NAA11: variants seen among roughly 807,000 people sequenced by gnomAD.
NAA11 encodes N-alpha-acetyltransferase 11, NatA catalytic subunit.
Under a neutral mutation model 16.1 loss-of-function variants are expected in NAA11, and 15 were observed. The observed-to-expected ratio is 0.93, with a 90% CI of 0.62 to 1.44. The LOEUF (loss-of-function observed/expected upper bound fraction) is 1.44. NAA11 is among the 40% of genes most tolerant of loss of function. The pLI, the probability that NAA11 is intolerant of heterozygous loss-of-function variation, is 0.00. For synonymous variants in NAA11, 122 were observed against 112.4 expected (o/e 1.09, Z -0.54); for missense variants, 298 against 291.3 (o/e 1.02, Z -0.17).
intron 2 of NAA11, among the ~76,000 whole-genome samples, chr4:79,246,718 A>C (rs1721843678): frequency 1.3e-5 from 2 of 152,266 alleles, no homozygotes; most frequent in Non-Finnish European, 2.9e-5. Context: ...AGCACTTAAA[A>C]TGCATTCTTT....
chr4:79,224,164 G>C (rs575391034), downstream of NAA11, among the ~76,000 whole-genome samples: 1 of 152,208 alleles, frequency 6.6e-6, no homozygotes, highest in South Asian at 2.1e-4. Context: ...TGTGAAATGA[G>C]AGGTAAAGCA....
At chr4:79,161,573 T>G in the NAA11 span, among the ~76,000 whole-genome samples, 4 of 152,320 alleles carry the variant, frequency 2.6e-5, no homozygotes, top group South Asian at 6.2e-4. Flanking sequence ...GTTGAGATAT[T>G]AATTGGGATT....
chr4:79,320,403 G>T (rs1724057108), intron 1 of NAA11, among the ~76,000 whole-genome samples: 1 of 152,108 alleles, frequency 6.6e-6, no homozygotes, highest in Non-Finnish European at 1.5e-5. Context: ...TTATTTTACT[G>T]TGTGTGAGGA....
At chr4:79,218,799 TC>T in the NAA11 span, among the ~76,000 whole-genome samples, 1 of 152,112 alleles carries the variant, frequency 6.6e-6, no homozygotes, top group South Asian at 2.1e-4. Context: ...ATAGCTACAA[TC>T]TTGGTCTCAG....
chr4:79,246,027 C>T (rs1429183585), intron 2 of NAA11, among the ~76,000 whole-genome samples: 1 of 152,198 alleles, frequency 6.6e-6, no homozygotes, highest in African/African-American at 2.4e-5. Context: ...TTGTTCTGTA[C>T]TAAGAAAAAT....
Position 79,325,504 on chromosome 4 carries a change from G to T in NAA11, c.374C>A (p.Thr125Asn), listed in dbSNP as rs765817010. 53 of 1,614,064 alleles carry T rather than the reference G, an allele frequency of 3.3e-5. No individual in the cohort carries two copies. Among genetic ancestry groups the T allele is most frequent in the Non-Finnish European group, 3.9e-5 (46 of 1,180,034 alleles). ...CACCTCACTAATCTGAAAGTTGAGG[G>T]TGTTAGAATAAAGGTGCAAGGCTGG... The part of the protein sequence containing the change: ...NRPALHLYSN[T>N]LNFQISEVEP... The change falls in exon 1 of 2, where the codon ACC becomes AAC. Residue 125 changes from threonine to asparagine, a missense_variant. Transcript: ENST00000286794.
downstream of NAA11, among the ~76,000 whole-genome samples, chr4:79,225,497 G>A (rs1721289223): frequency 6.6e-6 from 1 of 152,048 alleles, no homozygotes. Flanking sequence ...AGAGATGATG[G>A]TAACTTGAAC....
rs1578195612 is a variant in NAA11 at position 79,316,693 on chromosome 4, T to C, written c.*1111A>G. On this transcript the variant is annotated 3_prime_UTR_variant, in exon 2 of 2. Transcript: ENST00000286794. Reference sequence around the variant, plus strand: ...TTACTGCAGAGGTCAAGGTACTTTGTCTTCACTTATTTTTACTAGAGAAAA... The same window carrying C: ...TTACTGCAGAGGTCAAGGTACTTTGCCTTCACTTATTTTTACTAGAGAAAA... 1.3e-5 allele frequency: 2 copies of C among 152,346 alleles called. No individual in the cohort carries two copies. Among genetic ancestry groups the C allele is most frequent in the East Asian group, 3.9e-4 (2 of 5,188 alleles). The allele number at this position is 152,346 out of a possible 1,614,324, so 9.4% of individuals were successfully genotyped here.
chr4:79,192,851 A>C, the NAA11 span, among the ~76,000 whole-genome samples: 13 of 151,570 alleles, frequency 8.6e-5, no homozygotes, highest in Non-Finnish European at 1.5e-4. Flanking sequence ...CCAACAGTGT[A>C]AAAGTGTTCC....
chr4:79,286,488 CCTA>C (rs542864286), intron 2 of NAA11, among the ~76,000 whole-genome samples: 7 of 151,974 alleles, frequency 4.6e-5, no homozygotes, highest in Non-Finnish European at 1.0e-4. Context: ...TTGAATGTCT[CCTA>C]CTTCTTTAGT....
chr4:79,200,026 T>C, the NAA11 span, among the ~76,000 whole-genome samples: 1 of 151,832 alleles, frequency 6.6e-6, no homozygotes, highest in Non-Finnish European at 1.5e-5. Flanking sequence ...TTATTGCTAA[T>C]GTGCTTCCTC....
At chr4:79,205,336 G>A in the NAA11 span, among the ~76,000 whole-genome samples, 8 of 151,464 alleles carry the variant, frequency 5.3e-5, no homozygotes, top group Non-Finnish European at 1.2e-4. Flanking sequence ...ATCTATTTTT[G>A]TTTTTGCATT....
chr4:79,194,037 G>T, the NAA11 span, among the ~76,000 whole-genome samples: 1 of 152,058 alleles, frequency 6.6e-6, no homozygotes, highest in African/African-American at 2.4e-5. Flanking sequence ...TGTTATTGGT[G>T]TATAAGAATG....
intron 2 of NAA11, among the ~76,000 whole-genome samples, chr4:79,254,707 T>C (rs998874270): frequency 1.3e-5 from 2 of 150,522 alleles, no homozygotes; most frequent in Non-Finnish European, 3.0e-5. Flanking sequence ...TTTTTTATTA[T>C]TATTATACTT....
chr4:79,243,463 AT>A (rs1248356017), intron 2 of NAA11, among the ~76,000 whole-genome samples: 1 of 152,220 alleles, frequency 6.6e-6, no homozygotes, highest in African/African-American at 2.4e-5. Context: ...TATCTCGTTC[AT>A]TTTTTGAACT....
At chr4:79,304,403 A>C (rs1723501850) in intron 1 of NAA11, among the ~76,000 whole-genome samples, 2 of 152,370 alleles carry the variant, frequency 1.3e-5, no homozygotes, top group South Asian at 4.1e-4. Context: ...GGTACAGGCT[A>C]AGAAAATGAT....
chr4:79,168,235 G>T, the NAA11 span, among the ~76,000 whole-genome samples: 2 of 152,116 alleles, frequency 1.3e-5, no homozygotes, highest in East Asian at 3.9e-4. Flanking sequence ...ATTCTGTGGT[G>T]CATATGTGCC....
At chr4:79,314,641 T>TAAAA (rs375245497), downstream of NAA11, among the ~76,000 whole-genome samples, 14 of 98,052 alleles carry the variant, frequency 1.4e-4, no homozygotes, top group South Asian at 8.1e-4. Context: ...TCCTTAAAAT[T>TAAAA]AAAAAAAAAA....
downstream of NAA11, among the ~76,000 whole-genome samples, chr4:79,223,420 T>C: frequency 1.4e-5 from 2 of 142,012 alleles, no homozygotes; most frequent in African/African-American, 2.6e-5. Flanking sequence ...CCGCATATTC[T>C]CACTCATAGG....
Sources: allele counts gnomAD v4.1 joint callset (sites outside exome capture counted in the v4.1 genomes callset), GRCh38; gene constraint gnomAD v4.1.1; transcripts MANE v1.5; gene names NCBI Gene and HGNC (gene_info 2026-07-23, HGNC 2026-07-21).